The following ELF2 variants were observed in gnomAD, a reference collection of about 807,000 sequenced individuals.
ELF2 encodes E74 like ETS transcription factor 2, also known as ETS-related transcription factor Elf-2.
ELF2 carries 11 observed loss-of-function variants against 54.8 expected under a neutral mutation model. The ratio of observed to expected loss-of-function variants is 0.20; its 90% confidence interval spans 0.13 to 0.33. The LOEUF (loss-of-function observed/expected upper bound fraction) is 0.33, where lower values mean the gene tolerates loss of function less well. Ranked by LOEUF, ELF2 falls within the 10% of genes least tolerant of loss-of-function variation. The pLI is 1.00. For synonymous variants in ELF2, 203 were observed against 245.1 expected, an observed-to-expected ratio of 0.83 and a Z score of 1.61; for missense variants, 513 against 703.0, an observed-to-expected ratio of 0.73 and a Z score of 3.06.
Position 139,116,702 on chromosome 4 carries a change from T to G in ELF2, c.238+8462A>C, listed in dbSNP as rs984917274. 3 of 985,322 alleles carry G rather than the reference T, an allele frequency of 3.0e-6. No individual in the cohort carries two copies. The African/African-American group carries it at 5.2e-5, about 17-fold the overall frequency. The allele number at this position is 985,322 out of a possible 1,614,324, so 61.0% of individuals were successfully genotyped here. ...GTTTCACCTTCAGGTAATCCTAGGA[T>G]AGGGGCTCGTTTTCAGATCCCCAGT... On this transcript the variant is annotated intron_variant, in intron 4 of 9. Coordinates refer to ENST00000686138, the MANE Select transcript of ELF2 (RefSeq NM_001331036.3).
At chr4:139,139,094 A>G (rs954165137) in intron 2 of ELF2, among the ~76,000 whole-genome samples, 2 of 152,234 alleles carry the variant, frequency 1.3e-5, no homozygotes, top group African/African-American at 4.8e-5. Flanking sequence ...GAAAGTATAT[A>G]GTTCCCATAA....
Position 139,092,294 on chromosome 4 carries a change from G to A in ELF2, c.239-18727C>T, listed in dbSNP as rs998420679. ...GAGAATCTTTTGAACCCGGGAGGCA[G>A]AGGTTGAAGTAAGCCGAGATCATGC... On this transcript the variant is annotated intron_variant, in intron 4 of 9. Coordinates refer to ENST00000686138, the MANE Select transcript of ELF2 (RefSeq NM_001331036.3). Among the ~76,000 whole-genome samples the A allele has an allele frequency of 3.3e-5, 5 of 151,716 alleles. No individual in the cohort carries two copies. The East Asian group carries it at 9.6e-4, about 29-fold the overall frequency.
intron 4 of ELF2, among the ~76,000 whole-genome samples, chr4:139,122,361 C>G (rs937500886): frequency 6.6e-6 from 1 of 152,252 alleles, no homozygotes. Flanking sequence ...AAGAAATGAA[C>G]CTAATCCTAA....
intron 4 of ELF2, among the ~76,000 whole-genome samples, chr4:139,092,166 A>G (rs567915447): frequency 2.0e-5 from 3 of 151,698 alleles, no homozygotes; most frequent in African/African-American, 7.3e-5. Context: ...GTTCAAGACC[A>G]GCCTGGCAAA....
At chr4:139,144,318 G>A (rs1160890392) in intron 1 of ELF2, among the ~76,000 whole-genome samples, 1 of 152,094 alleles carries the variant, frequency 6.6e-6, no homozygotes, top group Admixed American at 6.5e-5. Context: ...AAGCACCAGG[G>A]GCGGGAAGAG....
chr4:139,158,793 CG>C (rs1313958104), intron 1 of ELF2, among the ~76,000 whole-genome samples: 2 of 152,114 alleles, frequency 1.3e-5, no homozygotes, highest in South Asian at 4.1e-4. Context: ...GGGGGTTTAG[CG>C]TAATTACTTG....
intron 4 of ELF2, among the ~76,000 whole-genome samples, chr4:139,114,396 C>T (rs1249619906): frequency 6.6e-6 from 1 of 152,030 alleles, no homozygotes; most frequent in East Asian, 1.9e-4. Context: ...TGGTGAAACC[C>T]CATCTCTACT....
chr4:139,099,313 T>C (rs1045686377), intron 4 of ELF2, among the ~76,000 whole-genome samples: 2 of 152,242 alleles, frequency 1.3e-5, no homozygotes, highest in East Asian at 1.9e-4. Flanking sequence ...TTCTGGTTCA[T>C]GATGTGTTCT....
intron 7 of ELF2, chr4:139,066,606 G>A (rs909775304): frequency 6.6e-6 from 1 of 152,008 alleles, no homozygotes; most frequent in African/African-American, 2.4e-5. Context: ...GCAAAAATAG[G>A]CAAGGGGCAG....
upstream of ELF2, among the ~76,000 whole-genome samples, chr4:139,177,437 G>C (rs952021153): frequency 1.3e-5 from 2 of 151,626 alleles, no homozygotes; most frequent in African/African-American, 4.8e-5. Context: ...TTTATACCCC[G>C]CGGGGCCCCG....
At chr4:139,139,542 T>A in intron 1 of ELF2, 45 bp from the exon 2 acceptor site, 2 of 1,034,286 alleles carry the variant, frequency 1.9e-6, no homozygotes, top group South Asian at 9.9e-5. Context: ...ATAATTATAT[T>A]AAAAAGCACT....
chr4:139,177,367 G>C (rs539038647), upstream of ELF2: 1,331 of 151,026 alleles, frequency 8.8e-3, 12 homozygotes, highest in Middle Eastern at 0.035. Context: ...TCCCCACGCG[G>C]CGGGGGGGCG....
At chr4:139,082,062 A>C (rs1260971092) in intron 4 of ELF2, among the ~76,000 whole-genome samples, 1 of 152,208 alleles carries the variant, frequency 6.6e-6, no homozygotes, top group Non-Finnish European at 1.5e-5. Flanking sequence ...ATATACTCCA[A>C]GGAGAATACC....
chr4:139,107,706 C>A (rs1400261761), intron 4 of ELF2, among the ~76,000 whole-genome samples: 1 of 152,144 alleles, frequency 6.6e-6, no homozygotes, highest in Non-Finnish European at 1.5e-5. Flanking sequence ...CTCCCTTAAT[C>A]TTCTTGTACT....
intron 3 of ELF2, among the ~76,000 whole-genome samples, chr4:139,135,446 C>A (rs1369715262): frequency 1.3e-5 from 2 of 151,646 alleles, no homozygotes; most frequent in Non-Finnish European, 2.9e-5. Context: ...TATTGCCCCA[C>A]CCCTCACCTC....
At chr4:139,073,737 A>G in intron 4 of ELF2, 170 bp from the exon 5 acceptor site, 1 of 362,144 alleles carries the variant, frequency 2.8e-6, no homozygotes. Flanking sequence ...TATAAATTAC[A>G]GAAATAATTT....
intron 6 of ELF2, among the ~76,000 whole-genome samples, chr4:139,071,424 GGGACTAAA>G (rs1172777372): frequency 6.6e-6 from 1 of 151,976 alleles, no homozygotes; most frequent in East Asian, 1.9e-4. Flanking sequence ...CTGAGCAGCT[GGGACTAAA>G]GGCGTGCCTG....
intron 3 of ELF2, among the ~76,000 whole-genome samples, chr4:139,134,589 TTTTATTTTATTTTATTTTATTTTATTTTA>T (rs1296057432): frequency 5.5e-5 from 1 of 18,058 alleles, no homozygotes; most frequent in Non-Finnish European, 1.5e-4. Context: ...GTTATATTTA[TTTTATTTTATTTTATTTTATTTTATTTTA>T]TTTATTTTAT....
At chr4:139,136,367 A>T (rs1738151983) in intron 3 of ELF2, among the ~76,000 whole-genome samples, 1 of 152,146 alleles carries the variant, frequency 6.6e-6, no homozygotes, top group Admixed American at 6.5e-5. Flanking sequence ...ATTCCCAGTG[A>T]ATTTGCCCAT....
Sources: allele counts gnomAD v4.1 joint callset (sites outside exome capture counted in the v4.1 genomes callset), GRCh38; gene constraint gnomAD v4.1.1; transcripts MANE v1.5; gene names NCBI Gene and HGNC (gene_info 2026-07-23, HGNC 2026-07-21).